The following IGFBP5 variants were observed in gnomAD, a reference collection of about 807,000 sequenced individuals.
IGFBP5 encodes the protein insulin like growth factor binding protein 5, also known as insulin-like growth factor-binding protein 5.
Under a neutral mutation model 28.0 loss-of-function variants are expected in IGFBP5, and 12 were observed. The observed-to-expected ratio is 0.43, with a 90% CI of 0.27 to 0.69. The LOEUF (loss-of-function observed/expected upper bound fraction) is 0.69, where lower values mean the gene tolerates loss of function less well. IGFBP5 is among the 30% of genes least tolerant of loss of function. The pLI, the probability that IGFBP5 is intolerant of heterozygous loss-of-function variation, is 0.20. For missense variants in IGFBP5, 344 were observed against 381.6 expected (o/e 0.90, Z 0.82); for synonymous variants, 152 against 150.2 (o/e 1.01, Z -0.09).
intron 1 of IGFBP5, among the ~76,000 whole-genome samples, chr2:216,691,744 T>G (rs1689098476): frequency 1.3e-5 from 2 of 151,572 alleles, no homozygotes; most frequent in Admixed American, 6.6e-5. Flanking sequence ...GAAATGCACC[T>G]TTTTTGGGTT....
In IGFBP5 at chr2:216,676,688, G is replaced by A; in HGVS notation, c.*63C>T. The A allele has an allele frequency of 9.1e-7, 1 of 1,093,008 alleles. No individual in the cohort carries two copies. Among genetic ancestry groups the A allele is most frequent in the East Asian group, 2.6e-5 (1 of 39,136 alleles). The allele number at this position is 1,093,008 out of a possible 1,614,324, so 67.7% of individuals were successfully genotyped here. A position where few individuals can be genotyped will look rare whatever the true frequency, so the allele number is the denominator to read the frequency against. On this transcript the variant is annotated 3_prime_UTR_variant, in exon 4 of 4. Coordinates refer to ENST00000233813, the MANE Select transcript of IGFBP5 (RefSeq NM_000599.4). Reference sequence around the variant, plus strand: ...TGAGTGGCGTCCTGGGGTGGAGGGAGGCGCTGGCTGGAGTCGGGGCTGGGG... The same window carrying A: ...TGAGTGGCGTCCTGGGGTGGAGGGAAGCGCTGGCTGGAGTCGGGGCTGGGG...
chr2:216,681,098 G>A (rs1688973316), intron 1 of IGFBP5, among the ~76,000 whole-genome samples: 1 of 152,154 alleles, frequency 6.6e-6, no homozygotes, highest in Admixed American at 6.5e-5. Flanking sequence ...GAAAGGCTGG[G>A]GCTCCGTTAT....
At position 216,694,849 on chromosome 2, in the gene IGFBP5, G is replaced by T; in HGVS notation, c.-74C>A. ...GTGCAGGGATAAAGGGGCCAAGAGG[G>T]CCCCCGGAGATTTTTTTGTTTTTGT... On this transcript the variant is annotated 5_prime_UTR_variant, in exon 1 of 4. Coordinates refer to ENST00000233813, the MANE Select transcript of IGFBP5 (RefSeq NM_000599.4). The surrounding 1 kb of genome is among the most constrained non-coding windows in gnomAD (Gnocchi z 5.2). 9.6e-7 allele frequency: 1 copy of T among 1,044,502 alleles called. No homozygotes were observed. The highest frequency in any genetic ancestry group is 1.2e-6 in the Non-Finnish European group (1 of 803,616). 64.7% of individuals were successfully genotyped at this position (1,044,502 alleles called of 1,614,324 possible).
intron 1 of IGFBP5, among the ~76,000 whole-genome samples, chr2:216,683,266 T>C (rs1688999958): frequency 6.6e-6 from 1 of 151,790 alleles, no homozygotes; most frequent in Non-Finnish European, 1.5e-5. Flanking sequence ...AGGTTGGAGG[T>C]AGGAGGTTGG....
At position 216,694,116 on chromosome 2, in the gene IGFBP5, T is replaced by C. The variant is rs1362904118; in HGVS notation, c.337+323A>G. 6.6e-6 allele frequency among the ~76,000 whole-genome samples: 1 copy of C among 151,102 alleles called. No homozygotes were observed. Among genetic ancestry groups the C allele is most frequent in the Non-Finnish European group, 1.5e-5 (1 of 67,864 alleles). On this transcript the variant is annotated intron_variant, in intron 1 of 3. Coordinates refer to ENST00000233813, the MANE Select transcript of IGFBP5 (RefSeq NM_000599.4). This position sits in a 1 kb window ranked among gnomAD's most constrained non-coding sequence, Gnocchi z 5.2. ...ATGTAACATACACTCTTTCAGACTG[T>C]AGATAGGGTACCAGGGGATTTGGAC...
chr2:216,677,972 G>T (rs1688922729), intron 3 of IGFBP5, 140 bp downstream of exon 3: 4 of 668,962 alleles, frequency 6.0e-6, no homozygotes, highest in Non-Finnish European at 9.3e-6. Flanking sequence ...CATGATCGTG[G>T]TATATGAATG....
chr2:216,693,732 G>C (rs1689130645), intron 1 of IGFBP5, among the ~76,000 whole-genome samples: 1 of 152,014 alleles, frequency 6.6e-6, no homozygotes, highest in African/African-American at 2.4e-5. Context: ...CCCTTCCTGG[G>C]ATAAAATAAA....
rs369063226 is a variant in IGFBP5, at chr2:216,689,680, C to T, written c.337+4759G>A. ...GTCCCAGCCCCTTGTCTGTCTCTAACCCTGCTGCCACATCTTGGGCAAGTG... is the reference window on the plus strand; with the variant it reads ...GTCCCAGCCCCTTGTCTGTCTCTAATCCTGCTGCCACATCTTGGGCAAGTG... On this transcript the variant is annotated intron_variant, in intron 1 of 3. Transcript: ENST00000233813. 1.2e-4 allele frequency among the ~76,000 whole-genome samples: 18 copies of T among 152,364 alleles called. No individual in the cohort carries two copies. The South Asian group carries it at 3.3e-3, about 28-fold the overall frequency.
intron 1 of IGFBP5, among the ~76,000 whole-genome samples, chr2:216,693,642 C>G (rs1041054638): frequency 1.3e-5 from 2 of 152,066 alleles, no homozygotes; most frequent in Non-Finnish European, 2.9e-5. Flanking sequence ...AAACGAACAC[C>G]AGGCACAGAA....
chr2:216,680,155 T>C (rs1194217755), intron 1 of IGFBP5, among the ~76,000 whole-genome samples: 2 of 152,088 alleles, frequency 1.3e-5, no homozygotes, highest in Admixed American at 6.5e-5. Flanking sequence ...GTGGCCAGGA[T>C]GCCTCACAGT....
intron 1 of IGFBP5, among the ~76,000 whole-genome samples, chr2:216,691,764 TG>T (rs1689098847): frequency 6.6e-6 from 1 of 150,946 alleles, no homozygotes. Flanking sequence ...TCTACATGTT[TG>T]GTTACATATA....
intron 1 of IGFBP5, among the ~76,000 whole-genome samples, chr2:216,685,211 G>A (rs1689020672): frequency 6.6e-6 from 1 of 151,852 alleles, no homozygotes; most frequent in Admixed American, 6.6e-5. Context: ...AACCTGGGAG[G>A]CGGAGGTTGC....
chr2:216,694,443 C>G lies in IGFBP5; in HGVS notation c.333G>C (p.Lys111Asn). The change falls in exon 1 of 4, where the codon AAG (lysine) becomes AAC (asparagine). Residue 111 changes from lysine (K) to asparagine (N), a missense_variant. Coordinates refer to ENST00000233813, the MANE Select transcript of IGFBP5 (RefSeq NM_000599.4). This position sits in a 1 kb window ranked among gnomAD's most constrained non-coding sequence, Gnocchi z 5.2. Reference protein sequence around the residue: ...LNEKSYREQVKIERDSREHEE... With the variant: ...LNEKSYREQVNIERDSREHEE... ...TGGCACACTGAGCGCGCTCACCGAT[C>G]TTGACTTGCTCGCGGTAGCTCTTTT... The G allele has an allele frequency of 1.3e-6, 2 of 1,554,012 alleles. No individual in the cohort carries two copies. Among genetic ancestry groups the G allele is most frequent in the South Asian group, 2.4e-5 (2 of 82,972 alleles).
At chr2:216,680,328 G>A (rs570836595) in intron 1 of IGFBP5, among the ~76,000 whole-genome samples, 40 of 152,358 alleles carry the variant, frequency 2.6e-4, no homozygotes, top group African/African-American at 7.2e-4. Context: ...TCACTGGGAT[G>A]TCCAGGAACA....
rs1043698657 is a variant in IGFBP5 at position 216,695,090 on chromosome 2, G to A, written c.-315C>T. On this transcript the variant is annotated 5_prime_UTR_variant, in exon 1 of 4. Transcript: ENST00000233813. ...AGCCTGAGCGGGTCAGAATTATAGG[G>A]GAAAAAAAGCCACAAAATTGTTCAC... The A allele has an allele frequency of 8.4e-5, 22 of 262,700 alleles. No homozygotes were observed. Among genetic ancestry groups the A allele is most frequent in the Admixed American group, 2.7e-4 (5 of 18,462 alleles). The allele number at this position is 262,700 out of a possible 1,614,324, so 16.3% of individuals were successfully genotyped here.
Position 216,679,164 on chromosome 2 carries a change from G to C in IGFBP5, c.338-85C>G, listed in dbSNP as rs1428601918. 4 of 1,048,440 alleles carry C rather than the reference G, an allele frequency of 3.8e-6. No individual in the cohort carries two copies. Among genetic ancestry groups the C allele is most frequent in the Middle Eastern group, 4.0e-4 (2 of 5,014 alleles). The allele number at this position is 1,048,440 out of a possible 1,614,324, so 64.9% of individuals were successfully genotyped here. On this transcript the variant is annotated intron_variant, in intron 1 of 3. Coordinates refer to ENST00000233813, the MANE Select transcript of IGFBP5 (RefSeq NM_000599.4). This position sits in a 1 kb window ranked among gnomAD's most constrained non-coding sequence, Gnocchi z 4.6. ...CCAGGGCTGGGCAGTTTGGGGTGAG[G>C]GGAGTAATAAAGGCTGAAGCAGATG...
rs540597453 is a variant in IGFBP5 at position 216,685,721 on chromosome 2, G to A, written c.338-6642C>T. ...AAATGGCTTTTCTGCGCTTGTGTGT[G>A]TGCATTTGCAGAAGGAGAAAGGCCA... On this transcript the variant is annotated intron_variant, in intron 1 of 3. Coordinates refer to ENST00000233813, the MANE Select transcript of IGFBP5 (RefSeq NM_000599.4). Among the ~76,000 whole-genome samples, 7 of 152,312 alleles carry A rather than the reference G, an allele frequency of 4.6e-5. No individual in the cohort carries two copies. The South Asian group carries it at 1.2e-3, about 27-fold the overall frequency.
At chr2:216,682,456 A>G (rs1688987225) in intron 1 of IGFBP5, among the ~76,000 whole-genome samples, 1 of 152,188 alleles carries the variant, frequency 6.6e-6, no homozygotes, top group Non-Finnish European at 1.5e-5. Flanking sequence ...ATAAAACAAG[A>G]AGGAACAAGT....
rs11575143 is a variant in IGFBP5, at chr2:216,689,808, C to T, written c.337+4631G>A. On this transcript the variant is annotated intron_variant, in intron 1 of 3. Coordinates refer to ENST00000233813, the MANE Select transcript of IGFBP5 (RefSeq NM_000599.4). ...GCTTTAACATTATTTGGCCAATACC[C>T]AGACAATTCCTGGAGAGACACTAGG... Among the ~76,000 whole-genome samples, 561 of 152,290 alleles carry T rather than the reference C, an allele frequency of 3.7e-3. 6 individuals are homozygous for T. Among genetic ancestry groups the T allele is most frequent in the African/African-American group, 0.013 (523 of 41,556 alleles).
Sources: allele counts gnomAD v4.1 joint callset (sites outside exome capture counted in the v4.1 genomes callset), GRCh38; gene constraint gnomAD v4.1.1; non-coding constraint Gnocchi (gnomAD v3.1); transcripts MANE v1.5; gene names NCBI Gene and HGNC (gene_info 2026-07-23, HGNC 2026-07-21).